The following FER variants were observed in gnomAD, a reference collection of about 807,000 sequenced individuals.
FER encodes the protein tyrosine-protein kinase Fer.
A neutral mutation model predicts 111.0 loss-of-function variants in FER; 63 were observed. The observed-to-expected ratio is 0.57, with a 90% CI of 0.46 to 0.70. The LOEUF is 0.70. FER is among the 30% of genes least tolerant of loss of function. FER has a pLI of 0.00. For synonymous variants in FER, 327 were observed against 313.9 expected, an observed-to-expected ratio of 1.04 and a Z score of -0.44; for missense variants, 914 against 954.0, an observed-to-expected ratio of 0.96 and a Z score of 0.55.
chr5:109,098,805 G>T (rs79094303), intron 16 of FER, among the ~76,000 whole-genome samples: 1 of 151,458 alleles, frequency 6.6e-6, no homozygotes, highest in Admixed American at 6.6e-5. Context: ...AATTGACACC[G>T]TTAAGTTTAT....
chr5:109,026,676 C>G lies in FER; in HGVS notation c.1657-10746C>G, dbSNP rs77459447. Among the ~76,000 whole-genome samples the G allele has an allele frequency of 5.3e-3, 806 of 152,158 alleles. 6 individuals are homozygous for G. The highest frequency in any genetic ancestry group is 0.014 in the South Asian group (68 of 4,812). ...CTGAGAATCATCTTATGTATTGTGA[C>G]ATTTTGTTAATTATTCTTTCTTTTT... On this transcript the variant is annotated intron_variant, in intron 13 of 19. Coordinates refer to ENST00000281092, the MANE Select transcript of FER (RefSeq NM_005246.4).
intron 2 of FER, chr5:108,782,690 C>T (rs1451586618): frequency 6.6e-6 from 1 of 152,042 alleles, no homozygotes; most frequent in Admixed American, 6.6e-5. Flanking sequence ...GTTGCCTAGG[C>T]TGATCTTGAA....
intron 11 of FER, among the ~76,000 whole-genome samples, chr5:108,947,048 A>C (rs953577129): frequency 1.3e-5 from 2 of 152,168 alleles, no homozygotes; most frequent in African/African-American, 4.8e-5. Flanking sequence ...GTGACTGAAT[A>C]ATACTCCATT....
chr5:108,971,272 CAAAAAA>C (rs201694196), intron 13 of FER, among the ~76,000 whole-genome samples: 2 of 76,332 alleles, frequency 2.6e-5, no homozygotes, highest in African/African-American at 4.1e-5. Flanking sequence ...GAACCTGTCT[CAAAAAA>C]AAAAAAAAAA....
At chr5:108,946,359 G>T in intron 11 of FER, 137 bp downstream of exon 11, 3 of 530,180 alleles carry the variant, frequency 5.7e-6, no homozygotes, top group Non-Finnish European at 9.6e-6. Context: ...CTTACAAATG[G>T]AAAGATAAGT....
intron 3 of FER, among the ~76,000 whole-genome samples, chr5:108,823,341 T>G (rs759069658): frequency 7.2e-5 from 11 of 152,254 alleles, no homozygotes; most frequent in Non-Finnish European, 1.6e-4. Context: ...CTATTTTTAA[T>G]TTTTTGAGGA....
intron 10 of FER, among the ~76,000 whole-genome samples, chr5:108,905,161 T>A (rs1750578190): frequency 6.6e-6 from 1 of 152,070 alleles, no homozygotes; most frequent in Non-Finnish European, 1.5e-5. Context: ...GAAACACTCT[T>A]TTTCATTAGG....
At chr5:108,835,184 A>AAC (rs1481952095) in intron 4 of FER, among the ~76,000 whole-genome samples, 1 of 28,882 alleles carries the variant, frequency 3.5e-5, no homozygotes, top group African/African-American at 2.1e-4. Context: ...CGTTTGCGCC[A>AAC]CCCCCCCCCC....
chr5:109,084,517 T>A lies in FER; in HGVS notation c.1925-15879T>A, dbSNP rs528724144. Among the ~76,000 whole-genome samples the A allele has an allele frequency of 2.9e-3, 443 of 151,920 alleles. 2 individuals are homozygous for A. The highest frequency in any genetic ancestry group is 0.02 in the Middle Eastern group (6 of 294). ...TACCACAATTAAAAATAAAAAAAAA[T>A]TTAAAAAATAGCCAATTGTATGGTT... On this transcript the variant is annotated intron_variant, in intron 16 of 19. Coordinates refer to ENST00000281092, the MANE Select transcript of FER (RefSeq NM_005246.4).
At chr5:108,949,160 T>C (rs1373844116) in intron 11 of FER, among the ~76,000 whole-genome samples, 2 of 152,078 alleles carry the variant, frequency 1.3e-5, no homozygotes, top group Admixed American at 1.3e-4. Flanking sequence ...AGTTGTAATA[T>C]AGTGTTATAA....
intron 17 of FER, among the ~76,000 whole-genome samples, chr5:109,121,838 C>G (rs567427207): frequency 1.3e-4 from 20 of 152,124 alleles, no homozygotes; most frequent in Middle Eastern, 6.8e-3. Context: ...TTTTATGTGT[C>G]TAGGAATTTA....
intron 16 of FER, among the ~76,000 whole-genome samples, chr5:109,048,155 ACTGCT>A (rs1772266860): frequency 6.6e-6 from 1 of 152,112 alleles, no homozygotes; most frequent in East Asian, 1.9e-4. Context: ...AATATTGTAG[ACTGCT>A]CATTAATTTC....
chr5:108,949,272 C>T (rs1757411376), intron 11 of FER, among the ~76,000 whole-genome samples: 1 of 151,990 alleles, frequency 6.6e-6, no homozygotes, highest in African/African-American at 2.4e-5. Context: ...AGAAAAGCGG[C>T]CTTGTACTTT....
chr5:109,132,490 G>A (rs375089929), intron 17 of FER, among the ~76,000 whole-genome samples: 10 of 152,250 alleles, frequency 6.6e-5, no homozygotes, highest in African/African-American at 2.4e-4. Flanking sequence ...AGGTTCTGCT[G>A]TGAGGATGGG....
intron 16 of FER, among the ~76,000 whole-genome samples, chr5:109,080,710 C>T (rs1776888993): frequency 1.3e-5 from 2 of 151,944 alleles, no homozygotes; most frequent in East Asian, 3.9e-4. Flanking sequence ...ATGATAGGAG[C>T]AAGGAAAAAG....
At chr5:109,140,872 A>G (rs1019598186) in intron 17 of FER, among the ~76,000 whole-genome samples, 1 of 152,214 alleles carries the variant, frequency 6.6e-6, no homozygotes, top group Non-Finnish European at 1.5e-5. Flanking sequence ...TTGCAAGAAC[A>G]GTCCCCTCAT....
At chr5:109,079,208 C>T (rs1380348324) in intron 16 of FER, among the ~76,000 whole-genome samples, 1 of 152,020 alleles carries the variant, frequency 6.6e-6, no homozygotes, top group Non-Finnish European at 1.5e-5. Flanking sequence ...CTGTTAAAAT[C>T]AACTTTATAA....
chr5:108,990,493 T>C (rs1429221565), intron 13 of FER, among the ~76,000 whole-genome samples: 2 of 151,846 alleles, frequency 1.3e-5, no homozygotes, highest in African/African-American at 4.8e-5. Context: ...ACTGCCCACT[T>C]AATACATTTC....
intron 16 of FER, among the ~76,000 whole-genome samples, chr5:109,086,371 CATCTTTCA>C (rs1777568932): frequency 6.6e-6 from 1 of 151,626 alleles, no homozygotes; most frequent in Non-Finnish European, 1.5e-5. Flanking sequence ...AAAGATGTTT[CATCTTTCA>C]ATTCTGATAT....
Sources: gnomAD v4.1 joint callset for allele counts (sites outside exome capture counted in the v4.1 genomes callset) on GRCh38, gnomAD v4.1.1 for gene constraint, MANE v1.5 for transcripts, NCBI Gene and HGNC (gene_info 2026-07-23, HGNC 2026-07-21) for gene names.